The following OSBPL10 variants were observed in gnomAD, a reference collection of about 807,000 sequenced individuals.
OSBPL10 encodes oxysterol binding protein like 10, also known as oxysterol-binding protein-related protein 10.
Under a neutral mutation model 81.7 loss-of-function variants are expected in OSBPL10, and 49 were observed. That is an observed-to-expected ratio of 0.60 (90% confidence interval 0.48 to 0.76). The LOEUF (loss-of-function observed/expected upper bound fraction) is 0.76. OSBPL10 is among the 30% of genes least tolerant of loss of function. The pLI is 0.00. For missense variants in OSBPL10, 923 were observed against 987.8 expected (o/e 0.93, Z 0.88); for synonymous variants, 419 against 383.6 (o/e 1.09, Z -1.08).
At chr3:31,797,513 C>T (rs1440611080) in intron 4 of OSBPL10, among the ~76,000 whole-genome samples, 1 of 152,090 alleles carries the variant, frequency 6.6e-6, no homozygotes, top group Admixed American at 6.5e-5. Flanking sequence ...CCAATGCAAT[C>T]GCCTCATGCA....
intron 2 of OSBPL10, chr3:31,989,350 A>G (rs768628372): frequency 2.5e-6 from 4 of 1,614,248 alleles, no homozygotes; most frequent in South Asian, 1.1e-5. Flanking sequence ...GACATTAGAA[A>G]GACATGAAAG....
chr3:31,767,305 C>G (rs936865989), intron 4 of OSBPL10, among the ~76,000 whole-genome samples: 1 of 152,140 alleles, frequency 6.6e-6, no homozygotes, highest in African/African-American at 2.4e-5. Flanking sequence ...GAGAAAAAAA[C>G]TCAACTGTGG....
intron 2 of OSBPL10, among the ~76,000 whole-genome samples, chr3:32,036,875 G>A (rs1458974787): frequency 2.6e-5 from 4 of 151,562 alleles, no homozygotes; most frequent in East Asian, 1.9e-4. Context: ...ATACTCACTC[G>A]GCTCTTGAAC....
intron 2 of OSBPL10, among the ~76,000 whole-genome samples, chr3:32,006,050 T>G (rs1310121444): frequency 6.6e-6 from 1 of 152,092 alleles, no homozygotes; most frequent in Non-Finnish European, 1.5e-5. Flanking sequence ...GTTCTAGCAA[T>G]TCTCCCACCT....
intron 2 of OSBPL10, among the ~76,000 whole-genome samples, chr3:31,995,560 T>C (rs1699082944): frequency 6.6e-6 from 1 of 152,186 alleles, no homozygotes; most frequent in South Asian, 2.1e-4. Flanking sequence ...GACTTCATAT[T>C]GTTCAAACAC....
chr3:31,678,695 C>A (rs1028352507), intron 8 of OSBPL10, among the ~76,000 whole-genome samples: 1 of 151,994 alleles, frequency 6.6e-6, no homozygotes, highest in Admixed American at 6.6e-5. Flanking sequence ...CAAGCGGCAA[C>A]AAGCACTTCT....
chr3:31,772,576 C>T (rs1329410493), intron 4 of OSBPL10, among the ~76,000 whole-genome samples: 1 of 152,210 alleles, frequency 6.6e-6, no homozygotes, highest in Non-Finnish European at 1.5e-5. Context: ...TGAACCCCCT[C>T]CAAGGGGCCC....
chr3:31,970,933 G>A (rs920965173), intron 1 of OSBPL10, among the ~76,000 whole-genome samples: 9 of 152,078 alleles, frequency 5.9e-5, no homozygotes, highest in Non-Finnish European at 1.2e-4. Context: ...CCTTCTACCA[G>A]GGACGCCCTG....
At chr3:31,948,180 G>A (rs935140338) in intron 1 of OSBPL10, among the ~76,000 whole-genome samples, 6 of 152,120 alleles carry the variant, frequency 3.9e-5, no homozygotes, top group Non-Finnish European at 7.4e-5. Context: ...ACCCAGTAAA[G>A]GGGATCTGTG....
chr3:31,711,034 T>C (rs1226369258), intron 6 of OSBPL10: 1 of 152,236 alleles, frequency 6.6e-6, no homozygotes, highest in African/African-American at 2.4e-5. Flanking sequence ...AAGGAGTACA[T>C]GGATCTTTCT....
chr3:31,662,474 G>C (rs1700092265), intron 11 of OSBPL10: 2 of 1,038,692 alleles, frequency 1.9e-6, no homozygotes, highest in Non-Finnish European at 2.3e-6. Flanking sequence ...AAAGGCAAGG[G>C]TGTGCATACC....
At chr3:31,992,358 A>G (rs6806060) in intron 2 of OSBPL10, among the ~76,000 whole-genome samples, 17,094 of 152,200 alleles carry the variant, frequency 0.11, 2,604 homozygotes, top group African/African-American at 0.35. Flanking sequence ...TTATTATAAA[A>G]CAATACAACT....
chr3:31,902,220 G>A (rs1696263013), intron 1 of OSBPL10, among the ~76,000 whole-genome samples: 2 of 151,360 alleles, frequency 1.3e-5, no homozygotes, highest in Admixed American at 6.6e-5. Flanking sequence ...AGATGGACCT[G>A]GCACATATAC....
chr3:31,946,394 GTTT>G (rs1329679322), intron 1 of OSBPL10, among the ~76,000 whole-genome samples: 3 of 114,316 alleles, frequency 2.6e-5, no homozygotes, highest in East Asian at 2.2e-4. Context: ...TTATTAAGTT[GTTT>G]TTTATCAAAA....
chr3:31,733,617 A>G (rs1258574088), intron 5 of OSBPL10, among the ~76,000 whole-genome samples: 1 of 151,754 alleles, frequency 6.6e-6, no homozygotes, highest in African/African-American at 2.4e-5. Context: ...GATCAGAATC[A>G]TCACAGGCTG....
At chr3:31,998,718 C>G (rs1173710195) in intron 2 of OSBPL10, among the ~76,000 whole-genome samples, 6 of 152,182 alleles carry the variant, frequency 3.9e-5, no homozygotes, top group Admixed American at 2.6e-4. Flanking sequence ...GAACTCCGCC[C>G]TTTCCCTTTC....
At chr3:31,679,726 T>C (rs558749822) in intron 8 of OSBPL10, among the ~76,000 whole-genome samples, 2 of 152,278 alleles carry the variant, frequency 1.3e-5, no homozygotes, top group South Asian at 4.2e-4. Flanking sequence ...TGAATACCAA[T>C]TTTTGTTTTT....
chr3:31,965,269 C>T (rs1458864558), intron 1 of OSBPL10, among the ~76,000 whole-genome samples: 1 of 149,078 alleles, frequency 6.7e-6, no homozygotes, highest in East Asian at 2.0e-4. Context: ...ACTCGGGAAG[C>T]TAAGGCAGGA....
At chr3:31,701,022 A>G (rs1351313850) in intron 7 of OSBPL10, among the ~76,000 whole-genome samples, 2 of 152,200 alleles carry the variant, frequency 1.3e-5, no homozygotes, top group African/African-American at 4.8e-5. Flanking sequence ...CTCCCAGAAT[A>G]TCAGACACGC....
Sources: allele counts gnomAD v4.1 joint callset (sites outside exome capture counted in the v4.1 genomes callset), GRCh38; gene constraint gnomAD v4.1.1; transcripts MANE v1.5; gene names NCBI Gene and HGNC (gene_info 2026-07-23, HGNC 2026-07-21).